Variants in ADGRL3 observed in about 807,000 individuals in gnomAD.
ADGRL3 encodes the protein adhesion G protein-coupled receptor L3.
A neutral mutation model predicts 153.5 loss-of-function variants in ADGRL3; 62 were observed. That is an observed-to-expected ratio of 0.40 (90% confidence interval 0.33 to 0.50). The LOEUF is 0.50. ADGRL3 is among the 20% of genes least tolerant of loss of function. ADGRL3 has a pLI of 0.47. For synonymous variants in ADGRL3, 710 were observed against 672.5 expected (o/e 1.06, Z -0.86); for missense variants, 1,641 against 1,859.4 (o/e 0.88, Z 2.16).
chr4:61,496,116 A>G (rs1316785932), intron 2 of ADGRL3, among the ~76,000 whole-genome samples: 1 of 152,210 alleles, frequency 6.6e-6, no homozygotes, highest in African/African-American at 2.4e-5. Context: ...ACATAAATCT[A>G]TGATGTTCAC....
intron 2 of ADGRL3, among the ~76,000 whole-genome samples, chr4:61,489,073 A>G (rs335293): frequency 0.94 from 143,379 of 151,988 alleles, 68,188 homozygotes; most frequent in East Asian, 1. Context: ...TTTTCTCATT[A>G]ATCGAATGCC....
In ADGRL3 at chr4:62,075,331, T is replaced by C. The variant is rs2151949868; in HGVS notation, c.*4423T>C. 1 of 152,172 alleles carries C rather than the reference T, an allele frequency of 6.6e-6. No homozygotes were observed. Among genetic ancestry groups the C allele is most frequent in the East Asian group, 1.9e-4 (1 of 5,158 alleles). 9.4% of individuals were successfully genotyped at this position (152,172 alleles called of 1,614,324 possible). A position where few individuals can be genotyped will look rare whatever the true frequency, so the allele number is the denominator to read the frequency against. On this transcript the variant is annotated 3_prime_UTR_variant, in exon 27 of 27. Coordinates refer to ENST00000683033, the MANE Select transcript of ADGRL3 (RefSeq NM_001387552.1). ...CTTCTGCGTAGCCATGATCACAGGT[T>C]TGAGCCACAGCACTTGGCCTGTGAT...
In ADGRL3 at chr4:61,205,826, G is replaced by A. The variant is rs144184041; in HGVS notation, c.-240+4061G>A. Among the ~76,000 whole-genome samples, 62 of 152,240 alleles carry A rather than the reference G, an allele frequency of 4.1e-4. No homozygotes were observed. The East Asian group carries it at 6.6e-3, about 16-fold the overall frequency. On this transcript the variant is annotated intron_variant, in intron 1 of 26. Coordinates refer to ENST00000683033, the MANE Select transcript of ADGRL3 (RefSeq NM_001387552.1). ...TTGTAATACATTGTGAGAATGTAGC[G>A]TGAGCATGCTTGTAAATAGCATTTA...
chr4:61,453,560 A>C (rs1237883200), intron 2 of ADGRL3, among the ~76,000 whole-genome samples: 1 of 152,110 alleles, frequency 6.6e-6, no homozygotes, highest in Non-Finnish European at 1.5e-5. Context: ...GTTAAAATCA[A>C]AACAATCACT....
chr4:61,694,859 T>C (rs934958434), intron 6 of ADGRL3, among the ~76,000 whole-genome samples: 1 of 152,324 alleles, frequency 6.6e-6, no homozygotes, highest in South Asian at 2.1e-4. Context: ...TCCTTTGTTG[T>C]CGTTTTAACA....
At chr4:61,616,984 A>G (rs1448354057) in intron 5 of ADGRL3, among the ~76,000 whole-genome samples, 1 of 152,140 alleles carries the variant, frequency 6.6e-6, no homozygotes, top group Non-Finnish European at 1.5e-5. Flanking sequence ...ATGGATTCTT[A>G]ATATTTATAC....
chr4:61,764,206 A>ATATACG (rs1476011561), intron 8 of ADGRL3, among the ~76,000 whole-genome samples: 2 of 152,188 alleles, frequency 1.3e-5, no homozygotes, highest in African/African-American at 4.8e-5. Context: ...TTACGTATAC[A>ATATACG]TATACAAGTT....
intron 2 of ADGRL3, among the ~76,000 whole-genome samples, chr4:61,489,554 G>T (rs1241579946): frequency 6.6e-6 from 1 of 151,946 alleles, no homozygotes; most frequent in Non-Finnish European, 1.5e-5. Flanking sequence ...TAAAAGTGCT[G>T]TAATTATCTG....
Position 61,768,399 on chromosome 4 carries a change from G to C in ADGRL3, c.1399+34845G>C, listed in dbSNP as rs1397305951. Among the ~76,000 whole-genome samples, 4 of 152,158 alleles carry C rather than the reference G, an allele frequency of 2.6e-5. No individual in the cohort carries two copies. In the South Asian group the frequency reaches 8.3e-4, roughly 32 times the overall value. ...AGATTAGAAAGACTCAGCGACGCTTGGGGTCGGTACTGAGGGGACAGGAGG... is the reference window on the plus strand; with the variant it reads ...AGATTAGAAAGACTCAGCGACGCTTCGGGTCGGTACTGAGGGGACAGGAGG... On this transcript the variant is annotated intron_variant, in intron 8 of 26. Transcript: ENST00000683033.
At chr4:61,307,120 T>C (rs572908250) in intron 1 of ADGRL3, among the ~76,000 whole-genome samples, 2 of 152,296 alleles carry the variant, frequency 1.3e-5, no homozygotes, top group East Asian at 3.9e-4. Flanking sequence ...AATAAATAGG[T>C]GACTTGCCCA....
intron 2 of ADGRL3, among the ~76,000 whole-genome samples, chr4:61,423,957 A>C (rs566180938): frequency 6.6e-6 from 1 of 152,144 alleles, no homozygotes; most frequent in Non-Finnish European, 1.5e-5. Flanking sequence ...GAGGCCAATA[A>C]GGGTGAATGT....
At chr4:61,396,357 A>G (rs2096868368) in intron 2 of ADGRL3, among the ~76,000 whole-genome samples, 1 of 151,950 alleles carries the variant, frequency 6.6e-6, no homozygotes, top group Non-Finnish European at 1.5e-5. Context: ...TTTAATTTTA[A>G]AAAAGAAATT....
chr4:61,334,921 A>G (rs923283602), intron 1 of ADGRL3, among the ~76,000 whole-genome samples: 2 of 152,152 alleles, frequency 1.3e-5, no homozygotes, highest in African/African-American at 2.4e-5. Context: ...ATGATGTTGA[A>G]TAAAATTTTA....
intron 2 of ADGRL3, among the ~76,000 whole-genome samples, chr4:61,468,141 T>A (rs2097906480): frequency 1.3e-5 from 2 of 152,164 alleles, no homozygotes; most frequent in African/African-American, 4.8e-5. Context: ...ATAAAAGCAA[T>A]GTAAAAACCC....
intron 2 of ADGRL3, among the ~76,000 whole-genome samples, chr4:61,458,480 T>A (rs1407134614): frequency 6.6e-6 from 1 of 151,254 alleles, no homozygotes; most frequent in Non-Finnish European, 1.5e-5. Context: ...ATTATATATA[T>A]GGTTTAGAAA....
chr4:61,542,436 ATAAT>A (rs1218538752), intron 4 of ADGRL3, among the ~76,000 whole-genome samples: 1 of 152,236 alleles, frequency 6.6e-6, no homozygotes. Flanking sequence ...TCCATAATAG[ATAAT>A]TAAGACAGTA....
chr4:61,244,972 G>A (rs1756464129), intron 1 of ADGRL3, among the ~76,000 whole-genome samples: 1 of 151,914 alleles, frequency 6.6e-6, no homozygotes, highest in Admixed American at 6.6e-5. Flanking sequence ...CACTGAATGG[G>A]GCACTATCCA....
chr4:61,370,597 G>A (rs2096501801), intron 1 of ADGRL3, among the ~76,000 whole-genome samples: 1 of 152,098 alleles, frequency 6.6e-6, no homozygotes, highest in Non-Finnish European at 1.5e-5. Context: ...CTGAGAGATA[G>A]TTTGTTATAA....
At chr4:61,253,720 C>CAT (rs909320355) in intron 1 of ADGRL3, among the ~76,000 whole-genome samples, 7 of 147,228 alleles carry the variant, frequency 4.8e-5, no homozygotes, top group African/African-American at 7.5e-5. Flanking sequence ...CACATATATA[C>CAT]ATATATATAT....
Sources: allele counts gnomAD v4.1 joint callset (sites outside exome capture counted in the v4.1 genomes callset), GRCh38; gene constraint gnomAD v4.1.1; transcripts MANE v1.5; gene names NCBI Gene and HGNC (gene_info 2026-07-23, HGNC 2026-07-21).